PCDH9: variants seen among roughly 807,000 people sequenced by gnomAD.
PCDH9 encodes protocadherin 9, also known as protocadherin-9.
In PCDH9, 24 loss-of-function variants were observed where a neutral mutation model predicts 70.6. That is an observed-to-expected ratio of 0.34 (90% CI 0.25 to 0.48). The LOEUF is 0.48. PCDH9 is among the 20% of genes least tolerant of loss of function. The probability of loss-of-function intolerance (pLI) is 0.99; values close to 1 mark genes in which losing one functional copy is unlikely to be tolerated. For missense variants in PCDH9, 1,281 were observed against 1,503.6 expected (o/e 0.85, Z 2.45); for synonymous variants, 562 against 558.5 (o/e 1.01, Z -0.09).
chr13:67,217,328 GTTTTC>G (rs1413548506), intron 2 of PCDH9: 1 of 150,926 alleles, frequency 6.6e-6, no homozygotes, highest in Non-Finnish European at 1.5e-5. Flanking sequence ...CACAAAAACT[GTTTTC>G]TTTTCTAAAT....
chr13:66,978,620 T>C (rs1015909197), intron 2 of PCDH9: 1 of 150,940 alleles, frequency 6.6e-6, no homozygotes, highest in African/African-American at 2.4e-5. Context: ...GATCAGAGAT[T>C]TATGTAAGGA....
chr13:66,509,787 C>T (rs1355625326), intron 4 of PCDH9, among the ~76,000 whole-genome samples: 3 of 152,114 alleles, frequency 2.0e-5, no homozygotes, highest in South Asian at 2.1e-4. Context: ...CCTTGGCTGT[C>T]TAATTTTTTC....
chr13:66,833,434 C>CAG (rs1443150822), intron 3 of PCDH9, among the ~76,000 whole-genome samples: 10 of 152,104 alleles, frequency 6.6e-5, no homozygotes, highest in African/African-American at 2.4e-4. Context: ...CACCCCAGGG[C>CAG]AGAGGGTACC....
intron 2 of PCDH9, among the ~76,000 whole-genome samples, chr13:67,080,224 A>G (rs563785976): frequency 2.0e-5 from 3 of 152,320 alleles, no homozygotes; most frequent in East Asian, 3.9e-4. Flanking sequence ...GTATTTTCAT[A>G]TGTGGAAGAT....
chr13:66,516,905 T>A (rs1959763390), intron 4 of PCDH9, among the ~76,000 whole-genome samples: 1 of 152,080 alleles, frequency 6.6e-6, no homozygotes, highest in African/African-American at 2.4e-5. Flanking sequence ...TGTCATATGG[T>A]TTAGAATTAA....
intron 4 of PCDH9, among the ~76,000 whole-genome samples, chr13:66,305,372 T>C (rs2138051205): frequency 6.6e-6 from 1 of 152,144 alleles, no homozygotes; most frequent in Non-Finnish European, 1.5e-5. Flanking sequence ...TACTAATTTA[T>C]ATTCTAAGAA....
intron 2 of PCDH9, among the ~76,000 whole-genome samples, chr13:66,983,464 A>G (rs1043212964): frequency 2.6e-5 from 4 of 151,950 alleles, no homozygotes; most frequent in African/African-American, 9.7e-5. Context: ...AAATAAAAGG[A>G]GAAAACAGAA....
chr13:66,352,951 G>A (rs9540721), intron 4 of PCDH9, among the ~76,000 whole-genome samples: 145,231 of 152,196 alleles, frequency 0.95, 69,663 homozygotes, highest in East Asian at 1. Context: ...TTAAATGATA[G>A]CCATGACCTA....
chr13:66,634,905 A>G (rs913386020), intron 3 of PCDH9, among the ~76,000 whole-genome samples: 3 of 152,092 alleles, frequency 2.0e-5, no homozygotes, highest in Admixed American at 6.6e-5. Flanking sequence ...CTCTGAGGTG[A>G]CGCAGCTCTT....
chr13:67,156,088 T>C (rs117111915), intron 2 of PCDH9, among the ~76,000 whole-genome samples: 2,243 of 151,850 alleles, frequency 0.015, 30 homozygotes, highest in Middle Eastern at 0.051. Flanking sequence ...GAGTGCTGGG[T>C]AGAGGAAGGG....
chr13:67,220,417 A>G (rs1165493572), intron 2 of PCDH9: 1 of 152,002 alleles, frequency 6.6e-6, no homozygotes, highest in Non-Finnish European at 1.5e-5. Flanking sequence ...TTTAGATTTG[A>G]GGCTTTTCCT....
At chr13:67,136,132 C>G (rs2087226483) in intron 2 of PCDH9, among the ~76,000 whole-genome samples, 1 of 152,030 alleles carries the variant, frequency 6.6e-6, no homozygotes, top group Non-Finnish European at 1.5e-5. Flanking sequence ...TTTATTGTAC[C>G]CTTTCTATGT....
chr13:66,932,124 C>T (rs769461296), intron 2 of PCDH9, among the ~76,000 whole-genome samples: 1 of 152,082 alleles, frequency 6.6e-6, no homozygotes, highest in Non-Finnish European at 1.5e-5. Flanking sequence ...TTCTGGATAC[C>T]TTACAGAATA....
chr13:66,311,127 C>T (rs1955551920), intron 4 of PCDH9, among the ~76,000 whole-genome samples: 2 of 152,056 alleles, frequency 1.3e-5, no homozygotes, highest in Non-Finnish European at 2.9e-5. Context: ...AACTTTTACT[C>T]TGTAATTTTG....
chr13:66,852,468 GA>G (rs1312737248), intron 3 of PCDH9, among the ~76,000 whole-genome samples: 3 of 152,036 alleles, frequency 2.0e-5, no homozygotes, highest in Non-Finnish European at 4.4e-5. Flanking sequence ...AGTTAAAAGA[GA>G]AAAAGAGAAG....
intron 4 of PCDH9, among the ~76,000 whole-genome samples, chr13:66,419,765 T>G (rs1389854050): frequency 1.7e-5 from 1 of 58,242 alleles, no homozygotes; most frequent in Non-Finnish European, 3.6e-5. Flanking sequence ...CTGCAGGAGT[T>G]TTTTTTTTTT....
chr13:66,485,062 C>T (rs1013178670), intron 4 of PCDH9, among the ~76,000 whole-genome samples: 3 of 152,084 alleles, frequency 2.0e-5, no homozygotes, highest in African/African-American at 4.8e-5. Context: ...CTTTTTTATT[C>T]CATTTTGCAA....
In PCDH9 at chr13:67,032,460, G is replaced by C. The variant is rs755192103; in HGVS notation, c.3037-128855C>G. ...ATTACAGGCATGAGCCACAGTGCCC[G>C]GTCAACATCACTCTTCGTAAGAACA... On this transcript the variant is annotated intron_variant, in intron 2 of 4. Coordinates refer to ENST00000377865, the MANE Select transcript of PCDH9 (RefSeq NM_203487.3). 2.6e-5 allele frequency among the ~76,000 whole-genome samples: 4 copies of C among 152,076 alleles called. No individual in the cohort carries two copies. The South Asian group carries it at 8.3e-4, about 32-fold the overall frequency.
In PCDH9 at chr13:66,631,332, G is replaced by A. The variant is rs573894407; in HGVS notation, c.3218C>T (p.Pro1073Leu). 2.2e-5 allele frequency: 36 copies of A among 1,607,476 alleles called. No individual in the cohort carries two copies. The highest frequency in any genetic ancestry group is 4.5e-5 in the East Asian group (2 of 44,856). The change falls in exon 4 of 5, where the codon CCG becomes CTG. Residue 1073 changes from proline (P) to leucine (L), a missense_variant. Pro to Leu is a moderately conservative substitution (Grantham distance 98, BLOSUM62 -3). Around this residue, in one of 4 missense-constraint regions of PCDH9, gnomAD observed 264 missense variants for 278.8 expected, o/e 0.95. Transcript: ENST00000377865. ...TGAGATCAGGGTTCCACTACCCACC[G>A]GCTCATGGTCTCCTAGACCACTGTC... The part of the protein sequence containing the change: ...CSDSGLGDHE[P>L]VGSGTLISHP...
Sources: allele counts gnomAD v4.1 joint callset (sites outside exome capture counted in the v4.1 genomes callset), GRCh38; gene constraint gnomAD v4.1.1; regional missense constraint gnomAD v4.1.1; transcripts MANE v1.5; gene names NCBI Gene and HGNC (gene_info 2026-07-23, HGNC 2026-07-21).